Variants in ADGRV1 observed in about 807,000 individuals in gnomAD.
The protein encoded by ADGRV1 is adhesion G protein-coupled receptor V1.
Under a neutral mutation model 596.2 loss-of-function variants are expected in ADGRV1, and 359 were observed. The observed-to-expected ratio is 0.60, with a 90% confidence interval of 0.55 to 0.66. The LOEUF is 0.66. ADGRV1 is among the 30% of genes least tolerant of loss of function. ADGRV1 has a pLI of 0.00. For synonymous variants in ADGRV1, 2,681 were observed against 2,679.2 expected, an observed-to-expected ratio of 1.00 and a Z score of -0.02; for missense variants, 7,274 against 7,575.6, an observed-to-expected ratio of 0.96 and a Z score of 1.48.
chr5:91,049,294 ATGTT>A (rs1346912409), intron 85 of ADGRV1, among the ~76,000 whole-genome samples: 1 of 152,070 alleles, frequency 6.6e-6, no homozygotes, highest in Non-Finnish European at 1.5e-5. Flanking sequence ...ATAAATTCAC[ATGTT>A]TGTTTATGGA....
At chr5:90,720,749 A>G (rs1391497192) in intron 44 of ADGRV1, among the ~76,000 whole-genome samples, 186 bp from the exon 45 acceptor site, 3 of 152,244 alleles carry the variant, frequency 2.0e-5, no homozygotes, top group Middle Eastern at 3.4e-3. Context: ...TGACAATTTT[A>G]TTTCTTTTTC....
At chr5:91,029,049 T>A (rs1784267636) in intron 85 of ADGRV1, among the ~76,000 whole-genome samples, 1 of 152,134 alleles carries the variant, frequency 6.6e-6, no homozygotes, top group Non-Finnish European at 1.5e-5. Context: ...ACATTAGAAC[T>A]TTTTTCTTTA....
intron 83 of ADGRV1, among the ~76,000 whole-genome samples, chr5:90,933,118 T>A (rs943422512): frequency 9.2e-5 from 14 of 152,226 alleles, no homozygotes; most frequent in Non-Finnish European, 2.9e-5. Flanking sequence ...CCTGGTCCCA[T>A]CAATTCATTC....
chr5:91,141,618 T>C (rs1395604884), intron 87 of ADGRV1, among the ~76,000 whole-genome samples: 1 of 152,192 alleles, frequency 6.6e-6, no homozygotes, highest in East Asian at 1.9e-4. Flanking sequence ...CAATTAGAGA[T>C]TAAATGCCTA....
At chr5:90,834,809 T>C (rs137882823) in intron 77 of ADGRV1, among the ~76,000 whole-genome samples, 16 of 152,054 alleles carry the variant, frequency 1.1e-4, no homozygotes, top group Middle Eastern at 6.8e-3. Context: ...TATTTATAGA[T>C]CTTGTATGCA....
intron 25 of ADGRV1, among the ~76,000 whole-genome samples, chr5:90,678,148 A>G (rs1744484211): frequency 6.6e-6 from 1 of 152,208 alleles, no homozygotes; most frequent in South Asian, 2.1e-4. Context: ...GGTGCCATAC[A>G]TTCTCATGTC....
intron 75 of ADGRV1, among the ~76,000 whole-genome samples, chr5:90,817,917 A>T (rs1177694307): frequency 3.9e-5 from 6 of 152,030 alleles, no homozygotes; most frequent in Non-Finnish European, 8.8e-5. Context: ...GGTTCCATAC[A>T]AACTTTAAAG....
chr5:90,835,385 C>G (rs1190975772), intron 77 of ADGRV1, among the ~76,000 whole-genome samples: 2 of 152,182 alleles, frequency 1.3e-5, no homozygotes, highest in Non-Finnish European at 2.9e-5. Context: ...CCCTTACTTT[C>G]TCCTAAACAA....
At chr5:90,929,002 G>T (rs1285070801) in intron 83 of ADGRV1, among the ~76,000 whole-genome samples, 1 of 149,578 alleles carries the variant, frequency 6.7e-6, no homozygotes, top group South Asian at 2.2e-4. Context: ...CAGATCTCCA[G>T]CTGCGTGCTG....
intron 89 of ADGRV1, among the ~76,000 whole-genome samples, chr5:91,155,886 G>A (rs1423854324): frequency 6.6e-6 from 1 of 152,196 alleles, no homozygotes; most frequent in Non-Finnish European, 1.5e-5. Flanking sequence ...GGTTATTACA[G>A]TGTTCCAAAA....
intron 86 of ADGRV1, among the ~76,000 whole-genome samples, chr5:91,089,418 A>G (rs924434610): frequency 3.4e-5 from 5 of 149,166 alleles, no homozygotes; most frequent in Non-Finnish European, 7.4e-5. Flanking sequence ...TGATATGGCA[A>G]GGGAAGTAAA....
intron 70 of ADGRV1, among the ~76,000 whole-genome samples, chr5:90,797,441 T>A (rs1355610207): frequency 6.6e-6 from 1 of 152,008 alleles, no homozygotes; most frequent in South Asian, 2.1e-4. Flanking sequence ...CTTAAATATA[T>A]ATGCACTCAA....
intron 1 of ADGRV1, among the ~76,000 whole-genome samples, chr5:90,586,599 G>T (rs1273890365): frequency 6.6e-6 from 1 of 152,142 alleles, no homozygotes; most frequent in African/African-American, 2.4e-5. Context: ...TAAACTGGAA[G>T]TTAGCTCTAA....
rs776655053 is a variant in ADGRV1 at position 90,755,177 on chromosome 5, A to G, written c.11572A>G (p.Ile3858Val). The change falls in exon 55 of 90, where the codon ATT becomes GTT. Residue 3858 changes from isoleucine to valine, a missense_variant. Ile to Val is a conservative substitution (Grantham distance 29). Around this residue, in one of 5 missense-constraint regions of ADGRV1, gnomAD observed 3,643 missense variants for 3,809.2 expected, o/e 0.96. Coordinates refer to ENST00000405460, the MANE Select transcript of ADGRV1 (RefSeq NM_032119.4). ...AAAAGAAGCTCATGCCGAAGTTTCC[A>G]TTTTGCCGGTAAGTCAAGGCTGCAA... ...NIKEAHAEVS[I>V]LPDDLPELEE... is the part of the protein sequence containing the mutation. 1.3e-6 allele frequency: 2 copies of G among 1,599,140 alleles called. No individual in the cohort carries two copies. Among genetic ancestry groups the G allele is most frequent in the African/African-American group, 2.7e-5 (2 of 74,598 alleles).
intron 88 of ADGRV1, 139 bp downstream of exon 88, chr5:91,150,360 G>A (rs1795951160): frequency 1.6e-6 from 1 of 616,766 alleles, no homozygotes; most frequent in East Asian, 3.1e-5. Flanking sequence ...ATCACACTAG[G>A]TGACTTTTAA....
intron 42 of ADGRV1, among the ~76,000 whole-genome samples, chr5:90,712,642 G>A (rs1296928248): frequency 6.6e-6 from 1 of 152,110 alleles, no homozygotes; most frequent in Non-Finnish European, 1.5e-5. Flanking sequence ...AAAAGACAAA[G>A]TAGGTTGATA....
chr5:91,083,932 G>T (rs1381694862), intron 86 of ADGRV1, among the ~76,000 whole-genome samples: 1 of 152,086 alleles, frequency 6.6e-6, no homozygotes, highest in African/African-American at 2.4e-5. Context: ...CAACATGAGA[G>T]AAATAAATAT....
At position 90,652,370 on chromosome 5, in the gene ADGRV1, T is replaced by C. The variant is rs945466131; in HGVS notation, c.3441T>C (p.Phe1147=). 6.2e-7 allele frequency: 1 copy of C among 1,604,522 alleles called. No homozygotes were observed. The highest frequency in any genetic ancestry group is 8.5e-7 in the Non-Finnish European group (1 of 1,176,466). The change falls in exon 19 of 90, where the codon TTT becomes TTC. Residue 1147 remains phenylalanine, a synonymous_variant. Coordinates refer to ENST00000405460, the MANE Select transcript of ADGRV1 (RefSeq NM_032119.4). ...GGATTTTGAGGCACCGAGGATACTT[T>C]GGTAGTGTTTCTGTATCTTGGCAGC... ...AFWILRHRGY[F]GSVSVSWQLF... is the part of the protein sequence containing the mutation.
intron 1 of ADGRV1, among the ~76,000 whole-genome samples, chr5:90,562,538 A>G (rs1580271095): frequency 6.6e-6 from 1 of 152,308 alleles, no homozygotes; most frequent in South Asian, 2.1e-4. Flanking sequence ...ACACTTAAAA[A>G]TGTACCAGAC....
Sources: gnomAD v4.1 joint callset for allele counts (sites outside exome capture counted in the v4.1 genomes callset) on GRCh38, gnomAD v4.1.1 for gene constraint, gnomAD v4.1.1 regional missense constraint, MANE v1.5 for transcripts, NCBI Gene and HGNC (gene_info 2026-07-23, HGNC 2026-07-21) for gene names.